Variants in GNA14 observed in about 807,000 individuals in gnomAD.
The protein encoded by GNA14 is guanine nucleotide-binding protein subunit alpha-14.
Under a neutral mutation model 42.0 loss-of-function variants are expected in GNA14, and 50 were observed. The ratio of observed to expected loss-of-function variants is 1.19; its 90% CI spans 0.95 to 1.51. The LOEUF (loss-of-function observed/expected upper bound fraction) is 1.51. GNA14 is among the 40% of genes most tolerant of loss of function. GNA14 has a pLI of 0.00. For synonymous variants in GNA14, 173 were observed against 163.1 expected (o/e 1.06, Z -0.46); for missense variants, 473 against 446.2 (o/e 1.06, Z -0.54).
intron 1 of GNA14, among the ~76,000 whole-genome samples, chr9:77,532,626 TG>T (rs1179568287): frequency 6.6e-6 from 1 of 152,232 alleles, no homozygotes; most frequent in Non-Finnish European, 1.5e-5. Flanking sequence ...CCAAAGGGTA[TG>T]ATTTTTAGAG....
At chr9:77,465,507 A>G (rs919199444) in intron 2 of GNA14, among the ~76,000 whole-genome samples, 1 of 152,126 alleles carries the variant, frequency 6.6e-6, no homozygotes, top group Non-Finnish European at 1.5e-5. Context: ...TCTTTTGGGT[A>G]TACGCCTAGG....
At chr9:77,500,277 C>T (rs1425752599) in intron 2 of GNA14, among the ~76,000 whole-genome samples, 1 of 152,184 alleles carries the variant, frequency 6.6e-6, no homozygotes, top group East Asian at 1.9e-4. Context: ...CTCAGCCTCC[C>T]AGAGTGCTGG....
rs71358606 is a variant in GNA14 at position 77,501,713 on chromosome 9, C to CTTTT, written c.309+27352_309+27355dup. Reference sequence around the variant, plus strand: ...CTTTGTTGTTCAGATTGGATAATTTCTTTTTTTTTTTTTTTGAGATGGAGT... The same window carrying CTTTT: ...CTTTGTTGTTCAGATTGGATAATTTCTTTTTTTTTTTTTTTTTTTGAGATGGAGT... On this transcript the variant is annotated intron_variant, in intron 2 of 6. Transcript: ENST00000341700. 6.7e-3 allele frequency among the ~76,000 whole-genome samples: 868 copies of CTTTT among 130,394 alleles called. 35 individuals carry two copies. Among genetic ancestry groups the CTTTT allele is most frequent in the East Asian group, 0.041 (179 of 4,386 alleles). The allele number at this position is 130,394 out of a possible 152,430, so 85.5% of individuals were successfully genotyped here.
At chr9:77,517,543 GTGTATGTGTA>G (rs1461866641) in intron 2 of GNA14, 1 of 141,126 alleles carries the variant, frequency 7.1e-6, no homozygotes, top group African/African-American at 2.7e-5. Context: ...CTGCAAGTCT[GTGTATGTGTA>G]TGTATGTGTA....
chr9:77,425,263 G>A (rs1835435996), intron 6 of GNA14, among the ~76,000 whole-genome samples: 1 of 152,158 alleles, frequency 6.6e-6, no homozygotes, highest in East Asian at 1.9e-4. Context: ...AGATGGGCAG[G>A]GGAAGCCAGA....
chr9:77,476,047 A>T (rs1046316503), intron 2 of GNA14, among the ~76,000 whole-genome samples: 2 of 152,218 alleles, frequency 1.3e-5, no homozygotes, highest in African/African-American at 4.8e-5. Flanking sequence ...TAAGAAATGC[A>T]AAAAGAGATG....
chr9:77,493,024 A>T (rs369115330), intron 2 of GNA14, among the ~76,000 whole-genome samples: 15,929 of 67,136 alleles, frequency 0.24, 1,140 homozygotes, highest in East Asian at 0.43. Context: ...AAAAAAAAAA[A>T]AAATATATAT....
At chr9:77,544,270 C>T (rs1395777584) in intron 1 of GNA14, among the ~76,000 whole-genome samples, 1 of 152,114 alleles carries the variant, frequency 6.6e-6, no homozygotes, top group Non-Finnish European at 1.5e-5. Flanking sequence ...TTTTGGAAAA[C>T]CCTCTCGACA....
In GNA14 at chr9:77,425,418, GCTT is replaced by G. The variant is rs1461018244; in HGVS notation, c.877+141_877+143del. 1.0e-5 allele frequency: 6 copies of G among 583,206 alleles called. No homozygotes were observed. The East Asian group carries it at 1.8e-4, about 18-fold the overall frequency. The allele number at this position is 583,206 out of a possible 1,614,324, so 36.1% of individuals were successfully genotyped here. The stretch of plus-strand genomic sequence containing the variant: ...AAAACACAACAATGGTGCAACTAGA[GCTT>G]CTGTTTGAAGGTGGGAATAGGGGGA... On this transcript the variant is annotated intron_variant, in intron 6 of 6. Transcript: ENST00000341700.
chr9:77,613,492 A>C (rs1823763246), intron 1 of GNA14, among the ~76,000 whole-genome samples: 1 of 152,210 alleles, frequency 6.6e-6, no homozygotes, highest in Non-Finnish European at 1.5e-5. Context: ...AACTAACAAT[A>C]ATACATTGTA....
intron 1 of GNA14, among the ~76,000 whole-genome samples, chr9:77,547,397 T>C (rs1837733187): frequency 1.3e-5 from 2 of 152,214 alleles, no homozygotes; most frequent in South Asian, 4.1e-4. Context: ...GGAATTCCGT[T>C]GTTACAAGAA....
At chr9:77,567,740 G>A (rs1052194593) in intron 1 of GNA14, among the ~76,000 whole-genome samples, 8 of 152,252 alleles carry the variant, frequency 5.3e-5, no homozygotes, top group Middle Eastern at 6.8e-3. Context: ...GGTGGTGCAC[G>A]CCTGTAGTCC....
chr9:77,459,813 C>T (rs1427142331), intron 2 of GNA14, among the ~76,000 whole-genome samples: 1 of 152,200 alleles, frequency 6.6e-6, no homozygotes, highest in Admixed American at 6.5e-5. Flanking sequence ...TTTCTCACAG[C>T]CCACGGGGCC....
chr9:77,463,246 T>C (rs1836147660), intron 2 of GNA14, among the ~76,000 whole-genome samples: 1 of 152,144 alleles, frequency 6.6e-6, no homozygotes, highest in Non-Finnish European at 1.5e-5. Flanking sequence ...GGAAAGATAC[T>C]AGGAGTCGCC....
chr9:77,490,023 C>G (rs751402296), intron 2 of GNA14, among the ~76,000 whole-genome samples: 3 of 152,048 alleles, frequency 2.0e-5, no homozygotes, highest in Non-Finnish European at 4.4e-5. Context: ...TTTACAATCC[C>G]TGAGCTAGAT....
intron 1 of GNA14, among the ~76,000 whole-genome samples, chr9:77,626,498 C>T (rs1393527142): frequency 6.6e-6 from 1 of 152,146 alleles, no homozygotes; most frequent in Non-Finnish European, 1.5e-5. Context: ...TAAAACACCT[C>T]CTCAGCAAAT....
At chr9:77,553,877 A>G (rs887139442) in intron 1 of GNA14, among the ~76,000 whole-genome samples, 13 of 152,252 alleles carry the variant, frequency 8.5e-5, no homozygotes, top group African/African-American at 3.1e-4. Flanking sequence ...AATGAGAAAA[A>G]AAATAAATGC....
At chr9:77,633,587 T>G (rs1476651410) in intron 1 of GNA14, among the ~76,000 whole-genome samples, 1 of 151,998 alleles carries the variant, frequency 6.6e-6, no homozygotes, top group African/African-American at 2.4e-5. Flanking sequence ...AATAGTGAAT[T>G]TGGGGCTAGG....
At chr9:77,496,899 T>C (rs1014876319) in intron 2 of GNA14, among the ~76,000 whole-genome samples, 2 of 152,210 alleles carry the variant, frequency 1.3e-5, no homozygotes, top group Admixed American at 6.5e-5. Flanking sequence ...AATGCTTTTG[T>C]ACCCATTATC....
Sources: allele counts gnomAD v4.1 joint callset (sites outside exome capture counted in the v4.1 genomes callset), GRCh38; gene constraint gnomAD v4.1.1; transcripts MANE v1.5; gene names NCBI Gene and HGNC (gene_info 2026-07-23, HGNC 2026-07-21).